Variants in NALCN observed in about 807,000 individuals in gnomAD.
The protein encoded by NALCN is sodium leak channel NALCN.
A neutral mutation model predicts 225.3 loss-of-function variants in NALCN; 111 were observed. That is an observed-to-expected ratio of 0.49 (90% CI 0.42 to 0.58). The LOEUF (loss-of-function observed/expected upper bound fraction) is 0.58, where lower values mean the gene tolerates loss of function less well. Ranked by LOEUF, NALCN falls within the 20% of genes least tolerant of loss-of-function variation. NALCN has a pLI of 0.00. For missense variants in NALCN, 1,378 were observed against 2,202.4 expected (o/e 0.63, Z 7.49); for synonymous variants, 764 against 769.0 (o/e 0.99, Z 0.11).
intron 18 of NALCN, among the ~76,000 whole-genome samples, chr13:101,118,295 T>C (rs988981741): frequency 6.6e-6 from 1 of 152,140 alleles, no homozygotes; most frequent in Non-Finnish European, 1.5e-5. Flanking sequence ...AACTCAATAG[T>C]AGCCCTTCTA....
At chr13:101,121,737 C>G (rs527710955) in intron 18 of NALCN, among the ~76,000 whole-genome samples, 2 of 152,106 alleles carry the variant, frequency 1.3e-5, no homozygotes, top group Non-Finnish European at 2.9e-5. Flanking sequence ...TTTTTAAAAG[C>G]CTTCTTTCAA....
At chr13:101,071,654 G>A (rs955922415) in intron 37 of NALCN, among the ~76,000 whole-genome samples, 10 of 152,074 alleles carry the variant, frequency 6.6e-5, no homozygotes, top group East Asian at 1.9e-4. Flanking sequence ...TACTGAGACC[G>A]GTAAAATTTT....
rs759840644 is a variant in NALCN, at chr13:101,067,972, G to A, written c.4392C>T (p.Tyr1464=). 2.5e-6 allele frequency: 4 copies of A among 1,613,232 alleles called. No homozygotes were observed. The highest frequency in any genetic ancestry group is 3.4e-6 in the Non-Finnish European group (4 of 1,179,772). Residue 1464 remains tyrosine, a synonymous_variant, in exon 39 of 44, where the codon TAC becomes TAT. Transcript: ENST00000251127. ...YSTEEDQLLS[Y]NDLRHFQIIW... ...TTATTTGAAAGTGGCGAAGATCATT[G>A]TAACTTAAAAGCTGGTCCTCCTCAG... is the stretch of plus-strand genomic sequence containing the variant.
chr13:101,240,355 CTA>C (rs2041713482), intron 11 of NALCN, among the ~76,000 whole-genome samples: 1 of 147,118 alleles, frequency 6.8e-6, no homozygotes, highest in African/African-American at 2.6e-5. Context: ...CTCTCTCTCT[CTA>C]TCTATCTATG....
chr13:101,216,582 T>G (rs1007475799), intron 13 of NALCN, among the ~76,000 whole-genome samples: 1 of 152,134 alleles, frequency 6.6e-6, no homozygotes, highest in African/African-American at 2.4e-5. Context: ...GAACAAAAAT[T>G]AAAGATTTCA....
intron 13 of NALCN, among the ~76,000 whole-genome samples, chr13:101,228,323 A>T (rs2041224838): frequency 6.6e-6 from 1 of 152,170 alleles, no homozygotes; most frequent in Admixed American, 6.5e-5. Flanking sequence ...TTAACTTTTA[A>T]AAATATATGT....
chr13:101,327,068 A>C (rs1286609116), intron 7 of NALCN, among the ~76,000 whole-genome samples: 1 of 152,128 alleles, frequency 6.6e-6, no homozygotes. Context: ...ATCAGATTTA[A>C]GGGGAGGAAA....
intron 7 of NALCN, among the ~76,000 whole-genome samples, chr13:101,328,337 T>C (rs1005754198): frequency 2.0e-5 from 3 of 152,072 alleles, no homozygotes; most frequent in Non-Finnish European, 2.9e-5. Context: ...TTTGAGACAG[T>C]ATCTCGTTCT....
At chr13:101,142,982 T>C (rs761480895) in intron 17 of NALCN, 98 bp downstream of exon 17, 6 of 1,403,308 alleles carry the variant, frequency 4.3e-6, no homozygotes, top group Non-Finnish European at 6.0e-6. Context: ...ATTATTCTCT[T>C]GAGAAATTGG....
chr13:101,376,711 G>A lies in NALCN; in HGVS notation c.633C>T (p.Asp211=). ...ATAGATAAACTTACCCTGGCTTTGT[G>A]TCATTTACAACACAGTGATAAGTAA... ...GTFTYHCVVN[D]TKPGNVTWNS... Residue 211 remains aspartate, a synonymous_variant, in exon 6 of 44, where the codon GAC becomes GAT. Transcript: ENST00000251127. 6.3e-7 allele frequency: 1 copy of A among 1,599,416 alleles called. No homozygotes were observed. Among genetic ancestry groups the A allele is most frequent in the Non-Finnish European group, 8.5e-7 (1 of 1,176,392 alleles).
chr13:101,391,544 C>G (rs2047145141), intron 3 of NALCN, among the ~76,000 whole-genome samples: 1 of 152,010 alleles, frequency 6.6e-6, no homozygotes, highest in South Asian at 2.1e-4. Context: ...ATCAGCCACA[C>G]ATGGTGGCAC....
intron 3 of NALCN, among the ~76,000 whole-genome samples, chr13:101,381,227 A>C (rs1566634830): frequency 6.6e-6 from 1 of 152,124 alleles, no homozygotes; most frequent in African/African-American, 2.4e-5. Flanking sequence ...TCATATGAAG[A>C]TTTATACCCA....
At chr13:101,085,544 G>T (rs896856657) in intron 30 of NALCN, among the ~76,000 whole-genome samples, 1 of 152,006 alleles carries the variant, frequency 6.6e-6, no homozygotes, top group Non-Finnish European at 1.5e-5. Context: ...CTAGAAGAGA[G>T]GATTATGAAT....
intron 13 of NALCN, among the ~76,000 whole-genome samples, chr13:101,208,463 C>CAGTATG (rs1342328652): frequency 4.4e-4 from 67 of 152,352 alleles, no homozygotes; most frequent in African/African-American, 1.5e-3. Flanking sequence ...ATTCCGGACA[C>CAGTATG]AGTATGAGAG....
intron 17 of NALCN, among the ~76,000 whole-genome samples, chr13:101,135,232 A>C (rs2036725385): frequency 6.6e-6 from 1 of 152,216 alleles, no homozygotes; most frequent in Admixed American, 6.5e-5. Context: ...TATACGCTAG[A>C]TAGATTTTAA....
intron 12 of NALCN, among the ~76,000 whole-genome samples, chr13:101,232,885 T>G (rs1207939731): frequency 6.6e-6 from 1 of 152,206 alleles, no homozygotes; most frequent in Non-Finnish European, 1.5e-5. Flanking sequence ...AATAATAATC[T>G]GGAAAGATTT....
intron 20 of NALCN, among the ~76,000 whole-genome samples, chr13:101,109,040 G>A (rs2035290655): frequency 6.6e-6 from 1 of 152,030 alleles, no homozygotes; most frequent in Non-Finnish European, 1.5e-5. Flanking sequence ...ATTCAAATAG[G>A]GCCTTTGCTG....
chr13:101,292,130 A>C lies in NALCN; in HGVS notation c.943-36T>G. The stretch of plus-strand genomic sequence containing the variant: ...TCACAAACCACATTTACCAAAGTCT[A>C]AGAATGACAAAGCAGAGGGCAACCA... On this transcript the variant is annotated intron_variant, in intron 8 of 43. Coordinates refer to ENST00000251127, the MANE Select transcript of NALCN (RefSeq NM_052867.4). The surrounding 1 kb of genome is among the most constrained non-coding windows in gnomAD (Gnocchi z 4.3). The C allele has an allele frequency of 6.2e-7, 1 of 1,612,830 alleles. No individual in the cohort carries two copies. Among genetic ancestry groups the C allele is most frequent in the Non-Finnish European group, 8.5e-7 (1 of 1,179,216 alleles).
chr13:101,387,253 A>AG (rs2047023801), intron 3 of NALCN, among the ~76,000 whole-genome samples: 1 of 83,788 alleles, frequency 1.2e-5, no homozygotes, highest in Non-Finnish European at 2.7e-5. Context: ...AAAAAAAAAA[A>AG]ACAGGTTAGC....
Sources: gnomAD v4.1 joint callset for allele counts (sites outside exome capture counted in the v4.1 genomes callset) on GRCh38, gnomAD v4.1.1 for gene constraint, Gnocchi (gnomAD v3.1) non-coding constraint, MANE v1.5 for transcripts, NCBI Gene and HGNC (gene_info 2026-07-23, HGNC 2026-07-21) for gene names.